The following HEATR5A variants were observed in gnomAD, a reference collection of about 807,000 sequenced individuals.
HEATR5A encodes the protein HEAT repeat-containing protein 5A.
HEATR5A carries 178 observed loss-of-function variants against 218.8 expected under a neutral mutation model. The observed-to-expected ratio is 0.81, with a 90% CI of 0.72 to 0.92. The LOEUF (loss-of-function observed/expected upper bound fraction) is 0.92. Ranked by LOEUF, HEATR5A falls within the 40% of genes least tolerant of loss-of-function variation. HEATR5A has a pLI of 0.00. For synonymous variants in HEATR5A, 864 were observed against 871.6 expected (o/e 0.99, Z 0.15); for missense variants, 2,420 against 2,418.9 (o/e 1.00, Z -0.01).
rs1158351738 is a variant in HEATR5A at position 31,291,803 on chromosome 14, GCTTT to G, written c.*1498_*1501del. ...AATACAAGAATGATAATGAAAATTA[GCTTT>G]ATTTATGTAATTTAGAAAAAATGAT... On this transcript the variant is annotated 3_prime_UTR_variant, in exon 36 of 36. Transcript: ENST00000543095. The G allele has an allele frequency of 2.6e-5, 4 of 152,148 alleles. No homozygotes were observed. The highest frequency in any genetic ancestry group is 5.9e-5 in the Non-Finnish European group (4 of 68,030). The allele number at this position is 152,148 out of a possible 1,614,324, so 9.4% of individuals were successfully genotyped here.
chr14:31,297,802 A>G (rs530056086), intron 33 of HEATR5A: 1 of 152,312 alleles, frequency 6.6e-6, no homozygotes, highest in South Asian at 2.1e-4. Flanking sequence ...TTTTATGGAC[A>G]AGAAACACAA....
At chr14:31,313,934 T>A (rs1016592639) in intron 27 of HEATR5A, among the ~76,000 whole-genome samples, 19 of 152,064 alleles carry the variant, frequency 1.2e-4, no homozygotes, top group Non-Finnish European at 2.4e-4. Context: ...GAGATGTAGA[T>A]TCAGTCTATT....
In HEATR5A at chr14:31,302,491, C is replaced by T; in HGVS notation, c.5268G>A (p.Leu1756=). The change falls in exon 33 of 36, where the codon TTG becomes TTA. Residue 1756 remains leucine, a synonymous_variant. Transcript: ENST00000543095. ...EGSISILPTI[L]YLTIGVLRET... ...CTCTGAGGACCCCGATTGTGAGGTA[C>T]AATATAGTAGGGAGAATTGAGATGC... 6.3e-7 allele frequency: 1 copy of T among 1,583,810 alleles called. No homozygotes were observed. Among genetic ancestry groups the T allele is most frequent in the Non-Finnish European group, 8.6e-7 (1 of 1,163,582 alleles).
At chr14:31,356,492 C>T (rs1295212187) in intron 16 of HEATR5A, among the ~76,000 whole-genome samples, 1 of 152,158 alleles carries the variant, frequency 6.6e-6, no homozygotes, top group Non-Finnish European at 1.5e-5. Context: ...GCCTTGGCCT[C>T]CCAAAGTGCT....
At chr14:31,373,765 G>A (rs747683590) in intron 12 of HEATR5A, among the ~76,000 whole-genome samples, 4 of 151,950 alleles carry the variant, frequency 2.6e-5, no homozygotes, top group Admixed American at 6.6e-5. Flanking sequence ...CACACCGAGT[G>A]TGCCTACCTC....
intron 6 of HEATR5A, among the ~76,000 whole-genome samples, chr14:31,391,424 C>A (rs1205463491): frequency 3.3e-5 from 5 of 152,134 alleles, no homozygotes; most frequent in African/African-American, 1.2e-4. Context: ...CAAGCATGAG[C>A]CACTGCACCT....
chr14:31,380,087 T>C (rs867294732), intron 11 of HEATR5A, among the ~76,000 whole-genome samples: 26 of 152,370 alleles, frequency 1.7e-4, no homozygotes, highest in Non-Finnish European at 1.9e-4. Context: ...CAAACAATTA[T>C]AGAACTGGAT....
At chr14:31,321,203 G>T (rs1900091781) in intron 25 of HEATR5A, among the ~76,000 whole-genome samples, 1 of 151,638 alleles carries the variant, frequency 6.6e-6, no homozygotes, top group Non-Finnish European at 1.5e-5. Context: ...CTGTCACCTA[G>T]GCTGGAGTGC....
chr14:31,330,514 G>A (rs1006354891), intron 22 of HEATR5A, among the ~76,000 whole-genome samples: 1 of 151,938 alleles, frequency 6.6e-6, no homozygotes, highest in Non-Finnish European at 1.5e-5. Flanking sequence ...CGAGGCCAGC[G>A]CCGGTAGCTC....
chr14:31,338,750 G>A (rs1345331119), intron 21 of HEATR5A, among the ~76,000 whole-genome samples: 1 of 152,112 alleles, frequency 6.6e-6, no homozygotes, highest in Non-Finnish European at 1.5e-5. Flanking sequence ...ACTGAAGTAG[G>A]TGAAGTTTTA....
chr14:31,303,320 A>G (rs1235949211), intron 32 of HEATR5A, among the ~76,000 whole-genome samples: 1 of 151,320 alleles, frequency 6.6e-6, no homozygotes, highest in Non-Finnish European at 1.5e-5. Context: ...GTAGTCCCAG[A>G]TACTCGGGAG....
intron 22 of HEATR5A, among the ~76,000 whole-genome samples, chr14:31,328,455 G>A (rs995820304): frequency 6.6e-6 from 1 of 152,156 alleles, no homozygotes; most frequent in Non-Finnish European, 1.5e-5. Context: ...GATGACTAGG[G>A]AAATGTGTGT....
intron 33 of HEATR5A, among the ~76,000 whole-genome samples, chr14:31,299,895 G>T (rs113923837): frequency 6.6e-6 from 1 of 151,570 alleles, no homozygotes; most frequent in Admixed American, 6.6e-5. Context: ...AATTAGCCAG[G>T]CCTGGTGGTG....
chr14:31,312,422 T>G (rs1835469379), intron 28 of HEATR5A, among the ~76,000 whole-genome samples: 1 of 151,542 alleles, frequency 6.6e-6, no homozygotes, highest in Non-Finnish European at 1.5e-5. Flanking sequence ...TCCTTTTTTT[T>G]TTTTTTTGAG....
chr14:31,378,245 C>T (rs2029867819), intron 11 of HEATR5A, among the ~76,000 whole-genome samples: 1 of 152,012 alleles, frequency 6.6e-6, no homozygotes, highest in Non-Finnish European at 1.5e-5. Flanking sequence ...CTCAACTCTG[C>T]CACTGTACAC....
Position 31,347,788 on chromosome 14 carries a change from A to G in HEATR5A, c.2828T>C (p.Leu943Pro). Residue 943 changes from leucine (L) to proline (P), a missense_variant, in exon 19 of 36, where the codon CTT (leucine) becomes CCT (proline). Transcript: ENST00000543095. The stretch of plus-strand genomic sequence containing the variant: ...AGTGCTGTCCTGCGCCAAAGTATAA[A>G]GGATTCCAATACAAGAATTTAGGTG... ...SQHLNSCIGI[L>P]YTLAQDSTSP... is the part of the protein sequence containing the mutation. 1 of 1,612,240 alleles carries G rather than the reference A, an allele frequency of 6.2e-7. No homozygotes were observed. Among genetic ancestry groups the G allele is most frequent in the Non-Finnish European group, 8.5e-7 (1 of 1,179,190 alleles).
rs188996370 is a variant in HEATR5A at position 31,363,629 on chromosome 14, A to T, written c.2071+560T>A. 8.5e-5 allele frequency among the ~76,000 whole-genome samples: 13 copies of T among 152,248 alleles called. No homozygotes were observed. The East Asian group carries it at 2.5e-3, about 29-fold the overall frequency. On this transcript the variant is annotated intron_variant, in intron 14 of 35. Transcript: ENST00000543095. ...ACTGTATCATCCCAGGATAAATGAG[A>T]TATAATAGATACAATTTCTAACACA...
At chr14:31,399,195 A>G (rs1259744152) in intron 3 of HEATR5A, among the ~76,000 whole-genome samples, 1 of 152,190 alleles carries the variant, frequency 6.6e-6, no homozygotes, top group Non-Finnish European at 1.5e-5. Flanking sequence ...GACTATTTTA[A>G]ATTTTGCTTT....
intron 22 of HEATR5A, among the ~76,000 whole-genome samples, chr14:31,330,145 G>C (rs1900414415): frequency 6.6e-6 from 1 of 152,216 alleles, no homozygotes; most frequent in South Asian, 2.1e-4. Context: ...CCCTGCAGCA[G>C]ACTTCTGCCT....
Sources: allele counts gnomAD v4.1 joint callset (sites outside exome capture counted in the v4.1 genomes callset), GRCh38; gene constraint gnomAD v4.1.1; transcripts MANE v1.5; gene names NCBI Gene and HGNC (gene_info 2026-07-23, HGNC 2026-07-21).